The following PACSIN2 variants were observed in gnomAD, a reference collection of about 807,000 sequenced individuals.
PACSIN2 encodes the protein protein kinase C and casein kinase substrate in neurons protein 2.
In PACSIN2, 25 loss-of-function variants were observed where a neutral mutation model predicts 63.8. The ratio of observed to expected loss-of-function variants is 0.39; its 90% CI spans 0.29 to 0.55. The LOEUF (loss-of-function observed/expected upper bound fraction) is 0.55, where lower values mean the gene tolerates loss of function less well. PACSIN2 is among the 20% of genes least tolerant of loss of function. The probability of loss-of-function intolerance (pLI) is 0.62; values close to 1 mark genes in which losing one functional copy is unlikely to be tolerated. For synonymous variants in PACSIN2, 255 were observed against 256.2 expected, an observed-to-expected ratio of 1.00 and a Z score of 0.05; for missense variants, 518 against 646.9, an observed-to-expected ratio of 0.80 and a Z score of 2.16.
chr22:42,973,533 G>A (rs1415501136), intron 1 of PACSIN2, among the ~76,000 whole-genome samples: 1 of 152,202 alleles, frequency 6.6e-6, no homozygotes, highest in Admixed American at 6.5e-5. Context: ...CATTCAATCA[G>A]AAACTCTACA....
chr22:42,916,524 C>G (rs986037424), intron 1 of PACSIN2, among the ~76,000 whole-genome samples: 2 of 152,084 alleles, frequency 1.3e-5, no homozygotes, highest in African/African-American at 4.8e-5. Context: ...CAGCAGGGGC[C>G]CTGTCCAACC....
chr22:43,005,697 T>G (rs889840061), intron 1 of PACSIN2, among the ~76,000 whole-genome samples: 1 of 152,168 alleles, frequency 6.6e-6, no homozygotes, highest in Admixed American at 6.5e-5. Context: ...TTCACTTACG[T>G]AGACTGATAG....
At chr22:42,948,663 A>T (rs1933539952) in intron 1 of PACSIN2, among the ~76,000 whole-genome samples, 1 of 152,132 alleles carries the variant, frequency 6.6e-6, no homozygotes, top group Admixed American at 6.5e-5. Flanking sequence ...AAAAAATTTT[A>T]AGTACAAACC....
At chr22:42,981,875 G>A (rs1922183035) in intron 1 of PACSIN2, among the ~76,000 whole-genome samples, 3 of 108,296 alleles carry the variant, frequency 2.8e-5, no homozygotes, top group Non-Finnish European at 4.0e-5. Context: ...GGGAGGTGGG[G>A]GGATCAGCCC....
intron 1 of PACSIN2, among the ~76,000 whole-genome samples, chr22:42,963,370 A>G (rs746360540): frequency 2.4e-4 from 37 of 152,298 alleles, no homozygotes; most frequent in Non-Finnish European, 4.0e-4. Context: ...CAGCAGCGCC[A>G]CCCATCAGCT....
At chr22:42,996,531 CAAAAAA>C (rs140591355) in intron 1 of PACSIN2, among the ~76,000 whole-genome samples, 2 of 106,348 alleles carry the variant, frequency 1.9e-5, no homozygotes. Context: ...GACTCTGCCG[CAAAAAA>C]AAAAAAAAAA....
intron 1 of PACSIN2, among the ~76,000 whole-genome samples, chr22:43,001,312 G>A (rs1428181793): frequency 6.6e-6 from 1 of 152,196 alleles, no homozygotes; most frequent in African/African-American, 2.4e-5. Context: ...TGAAGCCCCT[G>A]CCAGAACCTT....
intron 1 of PACSIN2, among the ~76,000 whole-genome samples, chr22:43,005,128 A>G (rs954170108): frequency 1.3e-5 from 2 of 152,260 alleles, no homozygotes; most frequent in East Asian, 3.8e-4. Context: ...TAAAGCCTTA[A>G]CTATCACTGC....
chr22:42,962,792 G>A (rs961343489), intron 1 of PACSIN2, among the ~76,000 whole-genome samples: 6 of 147,338 alleles, frequency 4.1e-5, no homozygotes, highest in Admixed American at 6.8e-5. Context: ...GGGGGGCGGC[G>A]CAGAAAAAGA....
chr22:42,911,352 G>C (rs1037648425), intron 2 of PACSIN2, among the ~76,000 whole-genome samples: 8 of 150,052 alleles, frequency 5.3e-5, no homozygotes, highest in African/African-American at 2.0e-4. Flanking sequence ...CAAGGCTTCA[G>C]TGAGCCATGA....
chr22:42,909,170 C>G (rs1304156100), intron 2 of PACSIN2, among the ~76,000 whole-genome samples: 1 of 152,130 alleles, frequency 6.6e-6, no homozygotes, highest in East Asian at 1.9e-4. Flanking sequence ...CTGCCCTTCC[C>G]CCTGGGCAAA....
At chr22:43,007,663 C>A (rs768250622) in intron 1 of PACSIN2, among the ~76,000 whole-genome samples, 4 of 152,208 alleles carry the variant, frequency 2.6e-5, no homozygotes, top group Admixed American at 2.0e-4. Flanking sequence ...GACAGTCAGA[C>A]CCGCCCTCCT....
intron 1 of PACSIN2, among the ~76,000 whole-genome samples, chr22:42,921,123 G>A (rs2413735): frequency 0.39 from 59,308 of 151,660 alleles, 12,621 homozygotes; most frequent in Non-Finnish European, 0.48. Flanking sequence ...ACTTTGGGAG[G>A]CCGAGAAGGG....
At chr22:42,991,689 G>T (rs972578) in intron 1 of PACSIN2, among the ~76,000 whole-genome samples, 92,117 of 151,616 alleles carry the variant, frequency 0.61, 28,541 homozygotes, top group East Asian at 0.78. Context: ...AAACAGTCAT[G>T]AAGAGATCCA....
At chr22:42,934,540 A>G (rs147134661) in intron 1 of PACSIN2, among the ~76,000 whole-genome samples, 72 of 152,294 alleles carry the variant, frequency 4.7e-4, no homozygotes, top group African/African-American at 1.7e-3. Flanking sequence ...CTTGCCCCTC[A>G]TGGGCTGGCC....
At chr22:42,987,734 CTG>C (rs1206822740) in intron 1 of PACSIN2, among the ~76,000 whole-genome samples, 2 of 151,658 alleles carry the variant, frequency 1.3e-5, no homozygotes, top group Admixed American at 1.3e-4. Context: ...GGTTTAATCA[CTG>C]TGTTAGCCAG....
intron 1 of PACSIN2, among the ~76,000 whole-genome samples, chr22:42,937,695 G>A (rs553372901): frequency 2.6e-5 from 4 of 152,168 alleles, no homozygotes; most frequent in South Asian, 2.1e-4. Flanking sequence ...CCCCTAACTC[G>A]GCTCTCCCTC....
chr22:42,903,370 C>A (rs1190464880), intron 2 of PACSIN2, among the ~76,000 whole-genome samples: 1 of 152,228 alleles, frequency 6.6e-6, no homozygotes, highest in Non-Finnish European at 1.5e-5. Context: ...TATGCTGAAT[C>A]TTCCTTTCCA....
intron 10 of PACSIN2, among the ~76,000 whole-genome samples, chr22:42,874,778 C>T (rs1307441462): frequency 6.6e-6 from 1 of 152,196 alleles, no homozygotes; most frequent in Non-Finnish European, 1.5e-5. Flanking sequence ...ACAGCCTTGG[C>T]CCAGCAAGGT....
Sources: gnomAD v4.1 joint callset for allele counts (sites outside exome capture counted in the v4.1 genomes callset) on GRCh38, gnomAD v4.1.1 for gene constraint, MANE v1.5 for transcripts, NCBI Gene and HGNC (gene_info 2026-07-23, HGNC 2026-07-21) for gene names.